CEACAM18: variants seen among roughly 807,000 people sequenced by gnomAD.
CEACAM18 encodes cell adhesion molecule CEACAM18.
Under a neutral mutation model 34.3 loss-of-function variants are expected in CEACAM18, and 33 were observed. The ratio of observed to expected loss-of-function variants is 0.96; its 90% CI spans 0.73 to 1.29. The LOEUF (loss-of-function observed/expected upper bound fraction) is 1.29, where lower values mean the gene tolerates loss of function less well. Ranked by LOEUF, CEACAM18 falls within the 50% of genes most tolerant of loss-of-function variation. The pLI is 0.00. For missense variants in CEACAM18, 474 were observed against 485.0 expected, an observed-to-expected ratio of 0.98 and a Z score of 0.21; for synonymous variants, 169 against 180.9, an observed-to-expected ratio of 0.93 and a Z score of 0.53.
In CEACAM18 at chr19:51,485,718, A is replaced by G. The variant is rs189300201; in HGVS notation, c.1089+596A>G. ...AAAGGGGACTTGCAGCATTCTCAGCATAGAGTAGACCAGAGTTTCTCAACC... is the reference window on the plus strand; with the variant it reads ...AAAGGGGACTTGCAGCATTCTCAGCGTAGAGTAGACCAGAGTTTCTCAACC... On this transcript the variant is annotated intron_variant, in intron 5 of 5. Transcript: ENST00000396477. Among the ~76,000 whole-genome samples the G allele has an allele frequency of 3.1e-3, 478 of 152,328 alleles. 2 individuals are homozygous for G. Among genetic ancestry groups the G allele is most frequent in the African/African-American group, 0.011 (453 of 41,572 alleles).
chr19:51,486,951 T>C (rs953474812), intron 5 of CEACAM18, among the ~76,000 whole-genome samples: 4 of 151,628 alleles, frequency 2.6e-5, no homozygotes, highest in African/African-American at 7.3e-5. Context: ...CTTGATCTCC[T>C]GACCTCGTGA....
chr19:51,483,145 A>G, exon 4 of CEACAM18: 3 of 1,613,964 alleles, frequency 1.9e-6, no homozygotes, highest in Non-Finnish European at 2.5e-6. Context: ...GTACCACTGG[A>G]TCCACAATGG....
chr19:51,481,239 T>G, intron 2 of CEACAM18, among the ~76,000 whole-genome samples, 154 bp from the exon 3 acceptor site: 1 of 152,234 alleles, frequency 6.6e-6, no homozygotes. Flanking sequence ...CTGTGCCTAT[T>G]CCTCTGCCCT....
intron 2 of CEACAM18, among the ~76,000 whole-genome samples, 189 bp downstream of exon 2, chr19:51,480,869 A>T (rs1221123962): frequency 6.6e-6 from 1 of 152,172 alleles, no homozygotes; most frequent in Non-Finnish European, 1.5e-5. Context: ...GTTGGAAGAC[A>T]AGCAGTCCTG....
intron 5 of CEACAM18, 107 bp from the exon 6 acceptor site, chr19:51,490,480 G>A: frequency 3.1e-6 from 3 of 965,572 alleles, no homozygotes; most frequent in Non-Finnish European, 4.0e-6. Flanking sequence ...GAAGACTTAG[G>A]CTTGGACTTG....
At chr19:51,484,157 A>G (rs1252959469) in intron 4 of CEACAM18, among the ~76,000 whole-genome samples, 1 of 152,162 alleles carries the variant, frequency 6.6e-6, no homozygotes, top group Non-Finnish European at 1.5e-5. Flanking sequence ...AGTACAGAAG[A>G]CATTACAGGA....
chr19:51,485,047 T>A, exon 5 of CEACAM18: 1 of 1,536,024 alleles, frequency 6.5e-7, no homozygotes, highest in Non-Finnish European at 8.7e-7. Flanking sequence ...ATGTTCCTCA[T>A]CATGCTGACA....
At chr19:51,486,710 C>CTTTTTTTTTTTTTTTTTTTT (rs1327201659) in intron 5 of CEACAM18, among the ~76,000 whole-genome samples, 2 of 144,436 alleles carry the variant, frequency 1.4e-5, no homozygotes, top group African/African-American at 5.2e-5. Context: ...TTCTTTCTTT[C>CTTTTTTTTTTTTTTTTTTTT]TTTCTTTTCT....
chr19:51,488,949 T>G (rs73558859), intron 5 of CEACAM18, among the ~76,000 whole-genome samples: 2,994 of 152,048 alleles, frequency 0.02, 45 homozygotes, highest in African/African-American at 0.037. Flanking sequence ...TATTCAGTTT[T>G]TTTCCTTCTG....
chr19:51,478,953 T>C (rs201015214), intron 1 of CEACAM18, among the ~76,000 whole-genome samples: 15,156 of 106,712 alleles, frequency 0.14, 987 homozygotes, highest in South Asian at 0.23. Flanking sequence ...CACACGCACA[T>C]GCACACACAC....
At chr19:51,481,686 G>T in intron 3 of CEACAM18, 21 bp downstream of exon 3, 1 of 1,601,318 alleles carries the variant, frequency 6.2e-7, no homozygotes, top group Non-Finnish European at 8.5e-7. Flanking sequence ...TGGGCTCCTG[G>T]GACTGAAGCC....
At chr19:51,480,986 T>C (rs1989904842) in intron 2 of CEACAM18, among the ~76,000 whole-genome samples, 1 of 152,178 alleles carries the variant, frequency 6.6e-6, no homozygotes, top group Non-Finnish European at 1.5e-5. Context: ...CCCACCATTG[T>C]GGTTTGTCGT....
At chr19:51,481,619 C>T (rs1393974551) in exon 3 of CEACAM18, 1 of 1,613,822 alleles carries the variant, frequency 6.2e-7, no homozygotes, top group East Asian at 2.2e-5. Context: ...TAGAGAGTTT[C>T]CCAGAGATCT....
chr19:51,482,838 C>T (rs1989939514), intron 3 of CEACAM18, among the ~76,000 whole-genome samples, 179 bp from the exon 4 acceptor site: 1 of 152,206 alleles, frequency 6.6e-6, no homozygotes, highest in South Asian at 2.1e-4. Flanking sequence ...CTAGTAGTTC[C>T]TTAATCATAG....
rs974372152 is a variant in CEACAM18, at chr19:51,478,856, A to G, written c.52+162A>G. Among the ~76,000 whole-genome samples the G allele has an allele frequency of 4.6e-5, 7 of 152,020 alleles. No homozygotes were observed. The East Asian group carries it at 1.2e-3, about 25-fold the overall frequency. On this transcript the variant is annotated intron_variant, in intron 1 of 5. Coordinates refer to ENST00000396477, the Ensembl canonical transcript of CEACAM18. ...GGAGAAGGGGGAGGACCCTCAGCAC[A>G]ACTTTCATGAGCTCACACACGTGGG...
At chr19:51,480,893 C>T (rs1230675060) in intron 2 of CEACAM18, among the ~76,000 whole-genome samples, 1 of 152,142 alleles carries the variant, frequency 6.6e-6, no homozygotes, top group African/African-American at 2.4e-5. Flanking sequence ...TTGACAGTGG[C>T]TGCAAATACA....
chr19:51,481,611 G>C (rs1989917359), exon 3 of CEACAM18: 1 of 1,613,824 alleles, frequency 6.2e-7, no homozygotes, highest in African/African-American at 1.3e-5. Context: ...GTGCATGATA[G>C]AGAGTTTCCC....
Position 51,480,760 on chromosome 19 carries a change from G to A in CEACAM18, c.400+80G>A, listed in dbSNP as rs572085998. On this transcript the variant is annotated intron_variant, in intron 2 of 5. Transcript: ENST00000396477. ...ATTTGAGAGAAGGACATTATACAGA[G>A]CATGACACCGGGAGTGGAAATCACG... 147 of 1,275,836 alleles carry A rather than the reference G, an allele frequency of 1.2e-4. 1 individual carries two copies. The highest frequency in any genetic ancestry group is 8.4e-5 in the Non-Finnish European group (77 of 914,322). The allele number at this position is 1,275,836 out of a possible 1,614,324, so 79.0% of individuals were successfully genotyped here. A position where few individuals can be genotyped will look rare whatever the true frequency, so the allele number is the denominator to read the frequency against.
intron 5 of CEACAM18, among the ~76,000 whole-genome samples, chr19:51,487,067 T>C (rs1183617468): frequency 6.6e-6 from 1 of 152,188 alleles, no homozygotes; most frequent in Non-Finnish European, 1.5e-5. Flanking sequence ...AATGAAAATG[T>C]AATTGAAATA....
Sources: gnomAD v4.1 joint callset for allele counts (sites outside exome capture counted in the v4.1 genomes callset) on GRCh38, gnomAD v4.1.1 for gene constraint, MANE v1.5 for transcripts, NCBI Gene and HGNC (gene_info 2026-07-23, HGNC 2026-07-21) for gene names.